Variants in DAAM2 observed in about 807,000 individuals in gnomAD.
DAAM2 encodes disheveled-associated activator of morphogenesis 2.
Under a neutral mutation model 120.7 loss-of-function variants are expected in DAAM2, and 39 were observed. The ratio of observed to expected loss-of-function variants is 0.32; its 90% confidence interval spans 0.25 to 0.42. DAAM2 has a LOEUF of 0.42. DAAM2 is among the 10% of genes least tolerant of loss of function. DAAM2 has a pLI of 1.00. For synonymous variants in DAAM2, 488 were observed against 524.9 expected, an observed-to-expected ratio of 0.93 and a Z score of 0.96; for missense variants, 1,283 against 1,401.7, an observed-to-expected ratio of 0.92 and a Z score of 1.35.
At chr6:39,893,229 A>G (rs1166717764) in intron 19 of DAAM2, among the ~76,000 whole-genome samples, 1 of 152,234 alleles carries the variant, frequency 6.6e-6, no homozygotes, top group Non-Finnish European at 1.5e-5. Context: ...AGAATTAGTC[A>G]GTGGAGGCTG....
chr6:39,861,774 C>G (rs535811527), intron 3 of DAAM2: 2 of 154,624 alleles, frequency 1.3e-5, no homozygotes, highest in South Asian at 4.0e-4. Context: ...ACTTGAGTCC[C>G]AAGTCTAAAA....
At chr6:39,898,407 G>A (rs1562065804) in intron 21 of DAAM2, among the ~76,000 whole-genome samples, 1 of 152,178 alleles carries the variant, frequency 6.6e-6, no homozygotes, top group African/African-American at 2.4e-5. Context: ...ATGTGGGTGG[G>A]GCACCAACAG....
intron 1 of DAAM2, among the ~76,000 whole-genome samples, chr6:39,826,857 A>G (rs1272130117): frequency 6.6e-6 from 1 of 152,150 alleles, no homozygotes; most frequent in Non-Finnish European, 1.5e-5. Context: ...TTTTAAAGAG[A>G]AGTTTCTAAG....
At chr6:39,807,180 G>T (rs1482939643) in intron 1 of DAAM2, among the ~76,000 whole-genome samples, 1 of 128,218 alleles carries the variant, frequency 7.8e-6, no homozygotes, top group Non-Finnish European at 1.6e-5. Context: ...GAATACTATA[G>T]AACACAGCAA....
At chr6:39,864,381 G>T in intron 3 of DAAM2, 52 bp from the exon 4 acceptor site, 1 of 1,433,412 alleles carries the variant, frequency 7.0e-7, no homozygotes, top group Non-Finnish European at 9.7e-7. Flanking sequence ...AGGATCTCAG[G>T]CCACGGGCCT....
chr6:39,881,169 A>T (rs998892360), intron 14 of DAAM2, among the ~76,000 whole-genome samples: 1 of 152,242 alleles, frequency 6.6e-6, no homozygotes, highest in African/African-American at 2.4e-5. Context: ...CTCTGGGTCC[A>T]GTAATAGTAA....
At chr6:39,899,998 C>T (rs971565150) in intron 22 of DAAM2, 79 bp from the exon 23 acceptor site, 192 of 1,461,810 alleles carry the variant, frequency 1.3e-4, no homozygotes, top group African/African-American at 2.0e-4. Flanking sequence ...CTGTGAGTGA[C>T]GAGGGGAGAT....
chr6:39,897,502 G>A (rs1766180679), intron 21 of DAAM2: 1 of 426,264 alleles, frequency 2.3e-6, no homozygotes, highest in African/African-American at 2.0e-5. Flanking sequence ...GTGCAGAATA[G>A]ACAGTACACC....
intron 2 of DAAM2, among the ~76,000 whole-genome samples, chr6:39,857,022 C>T (rs769174795): frequency 6.6e-5 from 10 of 152,288 alleles, no homozygotes; most frequent in South Asian, 6.2e-4. Context: ...AAGGGGCAGG[C>T]GGAAGCTCTG....
intron 1 of DAAM2, chr6:39,793,288 G>C (rs1761603211): frequency 6.6e-6 from 1 of 152,138 alleles, no homozygotes; most frequent in Non-Finnish European, 1.5e-5. Flanking sequence ...AGGTTCTCCA[G>C]GAGTGCCGCG....
chr6:39,799,300 T>C (rs530611576), intron 1 of DAAM2, among the ~76,000 whole-genome samples: 17 of 152,324 alleles, frequency 1.1e-4, no homozygotes, highest in African/African-American at 3.6e-4. Context: ...TTCATGGATA[T>C]GTGCCAAGAT....
chr6:39,810,617 C>T (rs1231347356), intron 1 of DAAM2, among the ~76,000 whole-genome samples: 1 of 152,114 alleles, frequency 6.6e-6, no homozygotes, highest in Non-Finnish European at 1.5e-5. Context: ...TGACCAATGA[C>T]TCACTAGGAA....
At chr6:39,799,421 G>T (rs56085941) in intron 1 of DAAM2, among the ~76,000 whole-genome samples, 2,319 of 152,304 alleles carry the variant, frequency 0.015, 24 homozygotes, top group Non-Finnish European at 0.025. Context: ...GCACAGTTTT[G>T]CTGTTTGACT....
chr6:39,804,972 A>G (rs981438274), intron 1 of DAAM2, among the ~76,000 whole-genome samples: 1 of 152,180 alleles, frequency 6.6e-6, no homozygotes, highest in Non-Finnish European at 1.5e-5. Flanking sequence ...AGTCTGTTAA[A>G]GTGAGGTTGA....
chr6:39,895,944 A>T (rs991205213), intron 19 of DAAM2, among the ~76,000 whole-genome samples: 1 of 152,224 alleles, frequency 6.6e-6, no homozygotes, highest in African/African-American at 2.4e-5. Context: ...AGCTTATTTC[A>T]TCAAATCTTA....
chr6:39,839,943 A>T (rs1763258925), intron 1 of DAAM2, among the ~76,000 whole-genome samples: 1 of 152,178 alleles, frequency 6.6e-6, no homozygotes, highest in Non-Finnish European at 1.5e-5. Flanking sequence ...CAGCTGGGTC[A>T]TGGCCAGGCG....
chr6:39,838,388 C>A lies in DAAM2; in HGVS notation c.-56-17859C>A, dbSNP rs530282265. 5.9e-5 allele frequency among the ~76,000 whole-genome samples: 9 copies of A among 152,288 alleles called. No homozygotes were observed. In the South Asian group the frequency reaches 1.7e-3, roughly 28 times the overall value. On this transcript the variant is annotated intron_variant, in intron 1 of 24. Transcript: ENST00000274867. ...TTTTCAAACAAATTCCCGGGTGATG[C>A]TGATGCTGCTGGCCCAGTGACAAAT...
intron 1 of DAAM2, among the ~76,000 whole-genome samples, chr6:39,818,012 C>A (rs1200592996): frequency 6.6e-6 from 1 of 151,804 alleles, no homozygotes; most frequent in Non-Finnish European, 1.5e-5. Flanking sequence ...ATTCCCAGCT[C>A]TACTAAAAAT....
In DAAM2 at chr6:39,894,406, G is replaced by C. The variant is rs184510488; in HGVS notation, c.2342-2406G>C. Among the ~76,000 whole-genome samples the C allele has an allele frequency of 3.6e-3, 544 of 152,118 alleles. 6 individuals are homozygous for C. The highest frequency in any genetic ancestry group is 0.013 in the African/African-American group (519 of 41,484). ...ATTTTTGAAACATAACATGCATATA[G>C]AAAAGTACACAAATCATAAGAGTCC... On this transcript the variant is annotated intron_variant, in intron 19 of 24. Transcript: ENST00000274867.
Sources: allele counts gnomAD v4.1 joint callset (sites outside exome capture counted in the v4.1 genomes callset), GRCh38; gene constraint gnomAD v4.1.1; transcripts MANE v1.5; gene names NCBI Gene and HGNC (gene_info 2026-07-23, HGNC 2026-07-21).